Variants in GPR137 observed in about 807,000 individuals in gnomAD.
GPR137 encodes the protein G protein-coupled receptor 137.
A neutral mutation model predicts 38.9 loss-of-function variants in GPR137; 20 were observed. That is an observed-to-expected ratio of 0.51 (90% CI 0.36 to 0.75). GPR137 has a LOEUF of 0.75. Ranked by LOEUF, GPR137 falls within the 30% of genes least tolerant of loss-of-function variation. The probability of loss-of-function intolerance (pLI) is 0.00; values close to 1 mark genes in which losing one functional copy is unlikely to be tolerated. For synonymous variants in GPR137, 226 were observed against 235.8 expected, an observed-to-expected ratio of 0.96 and a Z score of 0.38; for missense variants, 456 against 526.4, an observed-to-expected ratio of 0.87 and a Z score of 1.31.
chr11:64,283,314 T>C, upstream of GPR137, among the ~76,000 whole-genome samples: 1 of 152,196 alleles, frequency 6.6e-6, no homozygotes, highest in East Asian at 1.9e-4. Context: ...CCTGAGTTGC[T>C]GGGACTACAG....
upstream of GPR137, chr11:64,284,487 C>A: frequency 6.3e-7 from 1 of 1,585,612 alleles, no homozygotes; most frequent in Non-Finnish European, 8.5e-7. Context: ...CCCCCAGGCC[C>A]GCCAGGCCTC....
chr11:64,280,543 G>A (rs2033397005), upstream of GPR137, among the ~76,000 whole-genome samples: 1 of 149,636 alleles, frequency 6.7e-6, no homozygotes, highest in Admixed American at 6.6e-5. Context: ...AGTAGAGACG[G>A]GGTTTCACCG....
upstream of GPR137, chr11:64,271,777 G>A (rs1023100466): frequency 1.0e-5 from 14 of 1,377,680 alleles, 1 homozygote; most frequent in South Asian, 2.6e-4. Flanking sequence ...GAGCTGTGGC[G>A]ACTCCGGATC....
In GPR137 at chr11:64,289,103, G is replaced by A. The variant is rs1418345657; in HGVS notation, c.1098G>A (p.Gly366=). The part of the protein sequence containing the change: ...GAIGREPGWY[G]GSQTKTTPLL... ...TCGGGCGTGAGCCGGGCTGGTATGG[G>A]GGCAGCCAGACGAAGACCACTCCTC... The change falls in exon 7 of 7, where the codon GGG becomes GGA. Residue 366 remains glycine, a synonymous_variant. Transcript: ENST00000438980. The A allele has an allele frequency of 6.2e-7, 1 of 1,612,474 alleles. No individual in the cohort carries two copies. The highest frequency in any genetic ancestry group is 1.3e-5 in the African/African-American group (1 of 75,012).
At chr11:64,271,773 T>C (rs374273002), upstream of GPR137, 7 of 1,378,324 alleles carry the variant, frequency 5.1e-6, no homozygotes, top group African/African-American at 1.1e-4. Flanking sequence ...GTAGGAGCTG[T>C]GGCGACTCCG....
At chr11:64,282,233 A>G (rs2033526356), upstream of GPR137, among the ~76,000 whole-genome samples, 1 of 152,064 alleles carries the variant, frequency 6.6e-6, no homozygotes, top group African/African-American at 2.4e-5. Flanking sequence ...GTGAATGCTG[A>G]GTGTGTGTGG....
upstream of GPR137, among the ~76,000 whole-genome samples, chr11:64,281,279 A>T (rs746352102): frequency 2.0e-5 from 3 of 151,932 alleles, no homozygotes; most frequent in African/African-American, 4.8e-5. Flanking sequence ...TAGTTTTTTT[A>T]AAATTCCTTG....
upstream of GPR137, chr11:64,271,621 A>T (rs776579950): frequency 6.7e-7 from 1 of 1,492,400 alleles, no homozygotes; most frequent in South Asian, 1.3e-5. Flanking sequence ...ACCTTAAAGG[A>T]GTCCACAAAC....
At position 64,287,790 on chromosome 11, in the gene GPR137, G is replaced by T. The variant is rs958476284; in HGVS notation, c.477G>T (p.Val159=). The T allele has an allele frequency of 1.5e-5, 24 of 1,607,354 alleles. No individual in the cohort carries two copies. Among genetic ancestry groups the T allele is most frequent in the Non-Finnish European group, 1.9e-5 (23 of 1,179,936 alleles). Reference sequence around the variant, plus strand: ...TGCTGGTGAACGTGCTGTGTGCTGTGCTCTCCCATCGGCGCCGGGCACAGC... The same window carrying T: ...TGCTGGTGAACGTGCTGTGTGCTGTTCTCTCCCATCGGCGCCGGGCACAGC... ...LFLLVNVLCA[V]LSHRRRAQPW... Residue 159 remains valine (V), a synonymous_variant, in exon 3 of 7, where the codon GTG becomes GTT. Coordinates refer to ENST00000438980, the MANE Select transcript of GPR137 (RefSeq NM_001170880.2).
chr11:64,286,524 C>T lies in GPR137; in HGVS notation c.-1C>T, dbSNP rs778295900. On this transcript the variant is annotated 5_prime_UTR_variant, in exon 1 of 7. Coordinates refer to ENST00000438980, the MANE Select transcript of GPR137 (RefSeq NM_001170880.2). ...CCGGGATTCAGGCCTCCCTCCCTGA[C>T]ATGGAGAGTAACCTGTCTGGCCTGG... is the stretch of plus-strand genomic sequence containing the variant. 6.2e-7 allele frequency: 1 copy of T among 1,607,260 alleles called. No individual in the cohort carries two copies. Among genetic ancestry groups the T allele is most frequent in the South Asian group, 1.1e-5 (1 of 90,228 alleles).
rs1565363813 is a variant in GPR137, at chr11:64,288,895, C to T, written c.1032-142C>T. On this transcript the variant is annotated intron_variant, in intron 6 of 6. Transcript: ENST00000438980. This position sits in a 1 kb window ranked among gnomAD's most constrained non-coding sequence, Gnocchi z 5.5. ...GGGTTCCTATTGCTAAAGCCTCCAC[C>T]TCTTGCCTAGAGATGTACTTTGTCC... 1.4e-6 allele frequency: 2 copies of T among 1,439,942 alleles called. No homozygotes were observed. The highest frequency in any genetic ancestry group is 1.8e-6 in the Non-Finnish European group (2 of 1,101,912). The allele number at this position is 1,439,942 out of a possible 1,614,324, so 89.2% of individuals were successfully genotyped here.
At chr11:64,284,674 C>T, upstream of GPR137, 6 of 1,535,474 alleles carry the variant, frequency 3.9e-6, no homozygotes, top group South Asian at 1.2e-5. Context: ...CTGCCGCCTC[C>T]CTCCAGCACC....
At chr11:64,271,334 A>G (rs1591130513), upstream of GPR137, among the ~76,000 whole-genome samples, 1 of 92,944 alleles carries the variant, frequency 1.1e-5, no homozygotes, top group East Asian at 3.3e-4. Flanking sequence ...ACACACACAC[A>G]CGCCTGGAGT....
Position 64,288,231 on chromosome 11 carries a change from C to T in GPR137, c.783+17C>T. 1.2e-6 allele frequency: 2 copies of T among 1,610,656 alleles called. No individual in the cohort carries two copies. The highest frequency in any genetic ancestry group is 2.2e-5 in the East Asian group (1 of 44,806). On this transcript the variant is annotated intron_variant, in intron 4 of 6. Transcript: ENST00000438980. This position sits in a 1 kb window ranked among gnomAD's most constrained non-coding sequence, Gnocchi z 5.5. ...TCTGACCAGGTGGGCATACGCATGT[C>T]TGCCACCTCCTTAGTAGCCGTGGCA...
chr11:64,283,402 G>A (rs2033615719), upstream of GPR137, among the ~76,000 whole-genome samples: 2 of 152,222 alleles, frequency 1.3e-5, no homozygotes, highest in Admixed American at 6.5e-5. Flanking sequence ...GCCAAGGCCA[G>A]TGCTGGGCAC....
intron 2 of GPR137, chr11:64,276,713 GGGGCAGGGCCTGGGCCAGA>G: frequency 1.8e-6 from 1 of 559,756 alleles, no homozygotes; most frequent in Non-Finnish European, 3.2e-6. Context: ...GGAGAGGGCT[GGGGCAGGGCCTGGGCCAGA>G]CTCTCCCTTC....
chr11:64,271,730 C>T (rs1166362883), upstream of GPR137: 1 of 1,448,782 alleles, frequency 6.9e-7, no homozygotes, highest in South Asian at 1.4e-5. Context: ...TGGGCTCCTC[C>T]CCCATCCCTT....
upstream of GPR137, chr11:64,285,073 G>A: frequency 9.2e-7 from 1 of 1,091,982 alleles, no homozygotes; most frequent in Non-Finnish European, 1.1e-6. Context: ...TGCGGGCGAA[G>A]GCGCTTGGCA....
upstream of GPR137, among the ~76,000 whole-genome samples, chr11:64,280,044 G>A (rs373907756): frequency 3.2e-3 from 479 of 151,668 alleles, 2 homozygotes; most frequent in Non-Finnish European, 4.7e-3. Context: ...TTGGCCAGGC[G>A]CGGTGGCTCA....
Sources: gnomAD v4.1 joint callset for allele counts (sites outside exome capture counted in the v4.1 genomes callset) on GRCh38, gnomAD v4.1.1 for gene constraint, Gnocchi (gnomAD v3.1) non-coding constraint, MANE v1.5 for transcripts, NCBI Gene and HGNC (gene_info 2026-07-23, HGNC 2026-07-21) for gene names.